Variants in ROBO1 observed in about 807,000 individuals in gnomAD.
ROBO1 encodes the protein roundabout guidance receptor 1, also known as roundabout homolog 1.
ROBO1 carries 149 observed loss-of-function variants against 195.9 expected under a neutral mutation model. The observed-to-expected ratio is 0.76, with a 90% CI of 0.67 to 0.87. The LOEUF is 0.87. Ranked by LOEUF, ROBO1 falls within the 40% of genes least tolerant of loss-of-function variation. ROBO1 has a pLI of 0.00. For missense variants in ROBO1, 1,933 were observed against 2,068.3 expected, an observed-to-expected ratio of 0.93 and a Z score of 1.27; for synonymous variants, 816 against 733.2, an observed-to-expected ratio of 1.11 and a Z score of -1.82.
At chr3:78,823,412 T>A (rs2031231932) in intron 4 of ROBO1, among the ~76,000 whole-genome samples, 1 of 152,168 alleles carries the variant, frequency 6.6e-6, no homozygotes, top group Admixed American at 6.6e-5. Context: ...TAATAACAAG[T>A]CTCAGATCTA....
intron 1 of ROBO1, among the ~76,000 whole-genome samples, chr3:79,687,884 G>A (rs890508893): frequency 6.6e-6 from 1 of 152,078 alleles, no homozygotes; most frequent in Non-Finnish European, 1.5e-5. Context: ...ATACCGAAAG[G>A]ATTATAAATC....
chr3:78,985,849 T>G (rs1176117268), intron 3 of ROBO1, among the ~76,000 whole-genome samples: 1 of 152,174 alleles, frequency 6.6e-6, no homozygotes, highest in Non-Finnish European at 1.5e-5. Flanking sequence ...AAATACATGT[T>G]GCTAAAGTAT....
chr3:79,346,780 TA>T (rs1334004857), intron 2 of ROBO1, among the ~76,000 whole-genome samples: 2 of 151,932 alleles, frequency 1.3e-5, no homozygotes, highest in East Asian at 3.9e-4. Flanking sequence ...ACGTCATTTT[TA>T]AAACTGATCA....
chr3:78,621,363 T>G (rs908965224), intron 26 of ROBO1, among the ~76,000 whole-genome samples: 3 of 152,182 alleles, frequency 2.0e-5, no homozygotes, highest in African/African-American at 7.2e-5. Context: ...AAGGAGACTA[T>G]TTTGACCATC....
intron 2 of ROBO1, among the ~76,000 whole-genome samples, chr3:79,339,937 A>T (rs561938124): frequency 6.6e-6 from 1 of 152,266 alleles, no homozygotes; most frequent in African/African-American, 2.4e-5. Flanking sequence ...GGCTGACTTT[A>T]ACCTCCACTC....
chr3:78,645,459 A>AG (rs972843789), intron 21 of ROBO1, among the ~76,000 whole-genome samples: 7 of 151,154 alleles, frequency 4.6e-5, no homozygotes, highest in African/African-American at 1.7e-4. Context: ...GGAGAAAAAA[A>AG]AAACATCTTA....
At chr3:78,716,398 C>T (rs2081903668) in intron 7 of ROBO1, among the ~76,000 whole-genome samples, 1 of 151,794 alleles carries the variant, frequency 6.6e-6, no homozygotes, top group South Asian at 2.1e-4. Context: ...TGAGTGCCAG[C>T]AGGGGAAATG....
chr3:78,997,380 A>G (rs150852169), intron 3 of ROBO1, among the ~76,000 whole-genome samples: 1 of 152,262 alleles, frequency 6.6e-6, no homozygotes, highest in African/African-American at 2.4e-5. Flanking sequence ...TTGGTTTGGT[A>G]TGATTTTGGT....
chr3:79,651,248 C>T (rs946496319), intron 1 of ROBO1, among the ~76,000 whole-genome samples: 15 of 152,066 alleles, frequency 9.9e-5, no homozygotes, highest in African/African-American at 3.6e-4. Context: ...TTGTAGGAGG[C>T]TCCAACTGTA....
intron 3 of ROBO1, among the ~76,000 whole-genome samples, chr3:79,028,165 C>T (rs1242905000): frequency 6.6e-6 from 1 of 151,854 alleles, no homozygotes; most frequent in Non-Finnish European, 1.5e-5. Context: ...ATAGAAGTAA[C>T]ATATTTCTAG....
chr3:79,341,376 A>G (rs2034898641), intron 2 of ROBO1, among the ~76,000 whole-genome samples: 1 of 152,238 alleles, frequency 6.6e-6, no homozygotes, highest in African/African-American at 2.4e-5. Flanking sequence ...TCAATTGGAT[A>G]GGCACTGAGG....
intron 2 of ROBO1, among the ~76,000 whole-genome samples, chr3:79,296,070 C>A (rs2032577430): frequency 6.6e-6 from 1 of 152,020 alleles, no homozygotes; most frequent in Admixed American, 6.6e-5. Flanking sequence ...AATTTGAAAG[C>A]TACAACTAAA....
At chr3:78,760,795 C>T (rs2083079899) in intron 4 of ROBO1, among the ~76,000 whole-genome samples, 1 of 151,824 alleles carries the variant, frequency 6.6e-6, no homozygotes, top group African/African-American at 2.4e-5. Context: ...GTGTGTGCTA[C>T]TGTGCCCAGC....
intron 2 of ROBO1, among the ~76,000 whole-genome samples, chr3:79,560,302 A>C (rs541722741): frequency 6.9e-6 from 1 of 144,364 alleles, no homozygotes; most frequent in Non-Finnish European, 1.5e-5. Flanking sequence ...CAAACACCGC[A>C]TATTCTCACT....
chr3:79,157,162 C>T (rs747326483), intron 2 of ROBO1, among the ~76,000 whole-genome samples: 3 of 151,832 alleles, frequency 2.0e-5, no homozygotes, highest in Non-Finnish European at 2.9e-5. Flanking sequence ...GCTGCCTTTA[C>T]ATTAGAAATA....
intron 2 of ROBO1, among the ~76,000 whole-genome samples, chr3:79,243,835 T>A (rs1257525096): frequency 2.0e-5 from 3 of 152,192 alleles, no homozygotes; most frequent in Non-Finnish European, 4.4e-5. Context: ...TTTAGTTTAA[T>A]TAGATCCCAT....
At chr3:78,981,822 CACAA>C (rs938937074) in intron 3 of ROBO1, among the ~76,000 whole-genome samples, 3 of 151,634 alleles carry the variant, frequency 2.0e-5, no homozygotes, top group Non-Finnish European at 4.4e-5. Context: ...CACACACACA[CACAA>C]AAACACACCC....
At chr3:79,111,102 G>A (rs1453075629) in intron 3 of ROBO1, among the ~76,000 whole-genome samples, 1 of 152,032 alleles carries the variant, frequency 6.6e-6, no homozygotes, top group Non-Finnish European at 1.5e-5. Context: ...CTGTTGGGTG[G>A]GCTACCTGCT....
chr3:78,616,478 C>T (rs1004559372), intron 27 of ROBO1, among the ~76,000 whole-genome samples: 1 of 152,020 alleles, frequency 6.6e-6, no homozygotes, highest in Non-Finnish European at 1.5e-5. Flanking sequence ...TTTCCTGTAA[C>T]ACATTCTTGA....
Sources: gnomAD v4.1 joint callset for allele counts (sites outside exome capture counted in the v4.1 genomes callset) on GRCh38, gnomAD v4.1.1 for gene constraint, MANE v1.5 for transcripts, NCBI Gene and HGNC (gene_info 2026-07-23, HGNC 2026-07-21) for gene names.